CTSH: variants seen among roughly 807,000 people sequenced by gnomAD.
The protein encoded by CTSH is pro-cathepsin H.
In CTSH, 52 loss-of-function variants were observed where a neutral mutation model predicts 56.3. The ratio of observed to expected loss-of-function variants is 0.92; its 90% CI spans 0.74 to 1.16. CTSH has a LOEUF of 1.16. Among genes scored for constraint, CTSH ranks in the 50% most tolerant of loss-of-function variants. The probability of loss-of-function intolerance (pLI) is 0.00; values close to 1 mark genes in which losing one functional copy is unlikely to be tolerated. For synonymous variants in CTSH, 174 were observed against 155.7 expected (o/e 1.12, Z -0.88); for missense variants, 406 against 424.5 (o/e 0.96, Z 0.38).
intron 7 of CTSH, among the ~76,000 whole-genome samples, chr15:78,930,703 C>T (rs1046690880): frequency 3.9e-5 from 6 of 152,110 alleles, no homozygotes; most frequent in African/African-American, 1.2e-4. Context: ...TGAGAGCAGG[C>T]TACGACGTCA....
intron 8 of CTSH, among the ~76,000 whole-genome samples, chr15:78,928,902 A>G (rs1463533787): frequency 1.3e-5 from 2 of 152,152 alleles, no homozygotes; most frequent in Non-Finnish European, 2.9e-5. Flanking sequence ...AGTGCTGCTC[A>G]TCACCACGAG....
Position 78,932,105 on chromosome 15 carries a change from C to T in CTSH, c.492+267G>A, listed in dbSNP as rs61504829. On this transcript the variant is annotated intron_variant, in intron 6 of 11. Coordinates refer to ENST00000220166, the MANE Select transcript of CTSH (RefSeq NM_004390.5). Reference sequence around the variant, plus strand: ...CAGGCTCCGCCTTTCTGAACCCCTCCGCCGGGAAGGCTCCAGGCTGTCAAG... The same window carrying T: ...CAGGCTCCGCCTTTCTGAACCCCTCTGCCGGGAAGGCTCCAGGCTGTCAAG... 16,579 of 1,252,098 alleles carry T rather than the reference C, an allele frequency of 0.013. 2,257 individuals carry two copies. The East Asian group carries it at 0.35, about 26-fold the overall frequency. The allele number at this position is 1,252,098 out of a possible 1,614,324, so 77.6% of individuals were successfully genotyped here. A position where few individuals can be genotyped will look rare whatever the true frequency, so the allele number is the denominator to read the frequency against.
At chr15:78,939,480 G>A (rs2055243793) in intron 1 of CTSH, among the ~76,000 whole-genome samples, 1 of 152,210 alleles carries the variant, frequency 6.6e-6, no homozygotes, top group African/African-American at 2.4e-5. Context: ...TTCTTCAACT[G>A]GGCGCTGGTT....
chr15:78,938,788 C>T (rs1034974297), intron 2 of CTSH, among the ~76,000 whole-genome samples: 5 of 152,196 alleles, frequency 3.3e-5, no homozygotes, highest in Non-Finnish European at 7.3e-5. Context: ...AGTAGGCTTG[C>T]TGGGTCATAT....
Position 78,939,139 on chromosome 15 carries a change from C to A in CTSH, c.123+1G>T, listed in dbSNP as rs753987875. On this transcript the variant is annotated splice_donor_variant, in intron 2 of 11. Coordinates refer to ENST00000220166, the MANE Select transcript of CTSH (RefSeq NM_004390.5). LOFTEE classifies it high-confidence loss of function. The stretch of plus-strand genomic sequence containing the variant: ...TCAAAAAGAAGAAGTTGGGCACTGA[C>A]CTTAGACATCCATGACTTGAAGTGA... 1.2e-5 allele frequency: 19 copies of A among 1,597,522 alleles called. No individual in the cohort carries two copies. Among genetic ancestry groups the A allele is most frequent in the Admixed American group, 1.8e-5 (1 of 55,988 alleles).
At chr15:78,922,291 A>G in intron 11 of CTSH, 86 bp from the exon 12 acceptor site, 1 of 1,079,364 alleles carries the variant, frequency 9.3e-7, no homozygotes, top group Admixed American at 2.0e-5. Context: ...CCAAGAGCTG[A>G]CTTCAGGGGT....
chr15:78,942,042 G>C (rs10400881), intron 1 of CTSH, among the ~76,000 whole-genome samples: 78,700 of 151,406 alleles, frequency 0.52, 23,161 homozygotes, highest in Non-Finnish European at 0.68. Context: ...ATTAATTCTG[G>C]TCTTATTTTT....
intron 10 of CTSH, among the ~76,000 whole-genome samples, chr15:78,923,914 G>T (rs1038923880): frequency 1.3e-5 from 2 of 152,214 alleles, no homozygotes; most frequent in African/African-American, 4.8e-5. Flanking sequence ...TGATGTGTAA[G>T]TGGGCCATAG....
rs1444422928 is a variant in CTSH at position 78,928,335 on chromosome 15, A to AGACG, written c.631-555_631-554insCGTC. On this transcript the variant is annotated intron_variant, in intron 8 of 11. Transcript: ENST00000220166. The stretch of plus-strand genomic sequence containing the variant: ...GTAATCACAGCACTTTGGGAGGCCG[A>AGACG]GGCGGTAGATCACGAGGCCAGGAGT... Among the ~76,000 whole-genome samples the AGACG allele has an allele frequency of 1.7e-3, 249 of 149,130 alleles. 19 individuals carry two copies. The highest frequency in any genetic ancestry group is 7.0e-3 in the East Asian group (33 of 4,694).
intron 1 of CTSH, among the ~76,000 whole-genome samples, chr15:78,941,975 C>T (rs2055304373): frequency 6.6e-6 from 1 of 152,130 alleles, no homozygotes; most frequent in Non-Finnish European, 1.5e-5. Flanking sequence ...TGCCCATCCC[C>T]CGCAATGGAT....
chr15:78,936,184 T>C (rs77014211), intron 3 of CTSH, among the ~76,000 whole-genome samples: 2 of 141,500 alleles, frequency 1.4e-5, no homozygotes, highest in African/African-American at 5.3e-5. Context: ...TCTTTTCTTT[T>C]TTTTTTTTTT....
intron 2 of CTSH, 40 bp downstream of exon 2, chr15:78,939,100 T>A (rs1287302131): frequency 5.1e-6 from 8 of 1,561,408 alleles, no homozygotes; most frequent in Admixed American, 3.8e-5. Context: ...GGAAACTTTG[T>A]GAAATGAAAA....
intron 10 of CTSH, among the ~76,000 whole-genome samples, chr15:78,923,377 C>T (rs905263335): frequency 1.3e-5 from 2 of 152,190 alleles, no homozygotes; most frequent in African/African-American, 2.4e-5. Flanking sequence ...GCAACCTTCA[C>T]CTCCAGGGTT....
intron 5 of CTSH, among the ~76,000 whole-genome samples, chr15:78,933,880 C>A (rs1443668290): frequency 6.6e-6 from 1 of 152,238 alleles, no homozygotes; most frequent in African/African-American, 2.4e-5. Context: ...CACACATCTG[C>A]GTCAGGAAGC....
intron 5 of CTSH, among the ~76,000 whole-genome samples, chr15:78,933,296 G>T (rs1349404138): frequency 6.6e-6 from 1 of 152,348 alleles, no homozygotes; most frequent in African/African-American, 2.4e-5. Flanking sequence ...TGTAAAGTGG[G>T]AATGGCGAGG....
chr15:78,945,036 GA>G lies in CTSH; in HGVS notation c.-56del. On this transcript the variant is annotated 5_prime_UTR_variant, in exon 1 of 12. Transcript: ENST00000220166. ...CAGGGTCCGCGGAGGTGGCGGCCCA[GA>G]GCGTCAACTGGGAGCGCGGGGGGGG... 1 of 1,409,072 alleles carries G rather than the reference GA, an allele frequency of 7.1e-7. No individual in the cohort carries two copies. The allele number at this position is 1,409,072 out of a possible 1,614,324, so 87.3% of individuals were successfully genotyped here.
intron 3 of CTSH, among the ~76,000 whole-genome samples, chr15:78,936,838 A>AG (rs1273326838): frequency 1.3e-5 from 2 of 152,132 alleles, no homozygotes; most frequent in Non-Finnish European, 2.9e-5. Context: ...CATGTTGGTT[A>AG]GGCTGGTCTT....
chr15:78,933,619 C>T, intron 5 of CTSH: 1 of 435,564 alleles, frequency 2.3e-6, no homozygotes, highest in Non-Finnish European at 4.6e-6. Context: ...GCAGACGTGG[C>T]CACTTCGGGG....
At position 78,944,982 on chromosome 15, in the gene CTSH, C is replaced by CAGCGCGGCCCACATA; in HGVS notation, c.-2_-1insTATGTGGGCCGCGCT. 6.5e-7 allele frequency: 1 copy of CAGCGCGGCCCACATA among 1,539,386 alleles called. No individual in the cohort carries two copies. Among genetic ancestry groups the CAGCGCGGCCCACATA allele is most frequent in the Non-Finnish European group, 8.7e-7 (1 of 1,143,752 alleles). Reference sequence around the variant, plus strand: ...AGAGCAGCGGCAGCGTGGCCCACATCGCAGCGCTGGCGGCTTGGCTCTTGC... The same window carrying CAGCGCGGCCCACATA: ...AGAGCAGCGGCAGCGTGGCCCACATCAGCGCGGCCCACATAGCAGCGCTGGCGGCTTGGCTCTTGC... On this transcript the variant is annotated 5_prime_UTR_variant, in exon 1 of 12. It adds an upstream start codon to the 5' untranslated region. Transcript: ENST00000220166.
Sources: gnomAD v4.1 joint callset for allele counts (sites outside exome capture counted in the v4.1 genomes callset) on GRCh38, gnomAD v4.1.1 for gene constraint, MANE v1.5 for transcripts, NCBI Gene and HGNC (gene_info 2026-07-23, HGNC 2026-07-21) for gene names.